LRRN3: variants seen among roughly 807,000 people sequenced by gnomAD.
The protein encoded by LRRN3 is leucine-rich repeat neuronal protein 3.
Under a neutral mutation model 40.1 loss-of-function variants are expected in LRRN3, and 15 were observed. The observed-to-expected ratio is 0.37, with a 90% CI of 0.25 to 0.58. The LOEUF (loss-of-function observed/expected upper bound fraction) is 0.58, where lower values mean the gene tolerates loss of function less well. LRRN3 is among the 20% of genes least tolerant of loss of function. The pLI is 0.72. For missense variants in LRRN3, 746 were observed against 837.7 expected (o/e 0.89, Z 1.35); for synonymous variants, 308 against 297.2 (o/e 1.04, Z -0.37).
At chr7:111,091,699 G>A (rs1796881940) in intron 1 of LRRN3, among the ~76,000 whole-genome samples, 195 bp downstream of exon 1, 2 of 152,204 alleles carry the variant, frequency 1.3e-5, no homozygotes, top group South Asian at 4.1e-4. Flanking sequence ...AGCTGTGTTT[G>A]TGAGATTCTC....
rs375640347 is a variant in LRRN3 at position 111,124,459 on chromosome 7, T to C, written c.1687T>C (p.Ser563Pro). The change falls in exon 3 of 3, where the codon TCT becomes CCT. Residue 563 changes from serine (S) to proline (P), a missense_variant. Transcript: ENST00000308478. ...GACAGCCTTTGTCAAGACTGAAAATTCTCATGCTGCGCAAAGTGCTCGAAT... is the reference window on the plus strand; with the variant it reads ...GACAGCCTTTGTCAAGACTGAAAATCCTCATGCTGCGCAAAGTGCTCGAAT... The part of the protein sequence containing the change: ...KWTAFVKTEN[S>P]HAAQSARIPS... 8.7e-5 allele frequency: 140 copies of C among 1,613,800 alleles called. No individual in the cohort carries two copies. Among genetic ancestry groups the C allele is most frequent in the Non-Finnish European group, 1.1e-4 (131 of 1,179,992 alleles).
Position 111,125,106 on chromosome 7 carries a change from G to A in LRRN3, c.*207G>A, listed in dbSNP as rs994966935. ...GCATTTTAAGTAACTGGCTTCAAGG[G>A]GTACTGTGGCAACCAAATAAAATAA... On this transcript the variant is annotated 3_prime_UTR_variant, in exon 3 of 3. Coordinates refer to ENST00000308478, the MANE Select transcript of LRRN3 (RefSeq NM_001099658.2). The A allele has an allele frequency of 2.4e-5, 11 of 457,408 alleles. No homozygotes were observed. The highest frequency in any genetic ancestry group is 2.4e-4 in the Admixed American group (6 of 25,168). 28.3% of individuals were successfully genotyped at this position (457,408 alleles called of 1,614,324 possible). A position where few individuals can be genotyped will look rare whatever the true frequency, so the allele number is the denominator to read the frequency against.
chr7:111,092,472 T>G (rs1176858789), intron 1 of LRRN3, among the ~76,000 whole-genome samples: 1 of 152,168 alleles, frequency 6.6e-6, no homozygotes, highest in Admixed American at 6.6e-5. Flanking sequence ...GCTATGAATA[T>G]GAGTAGAACC....
chr7:111,108,587 T>C (rs1223439321), intron 2 of LRRN3, among the ~76,000 whole-genome samples: 2 of 152,056 alleles, frequency 1.3e-5, no homozygotes, highest in Non-Finnish European at 2.9e-5. Flanking sequence ...ATAATGAGAG[T>C]AGACATTGGC....
At chr7:111,093,556 C>A (rs921442020) in intron 1 of LRRN3, among the ~76,000 whole-genome samples, 8 of 152,086 alleles carry the variant, frequency 5.3e-5, no homozygotes, top group African/African-American at 1.9e-4. Context: ...AAATCTAACC[C>A]GCCTTATTTT....
chr7:111,125,351 A>C lies in LRRN3; in HGVS notation c.*452A>C, dbSNP rs1562825479. ...AATGGACAAATTCTGTAGAGTAGAC[A>C]CAGTGAGTATGTGGACCTCTTTTAT... On this transcript the variant is annotated 3_prime_UTR_variant, in exon 3 of 3. Coordinates refer to ENST00000308478, the MANE Select transcript of LRRN3 (RefSeq NM_001099658.2). 1 of 168,572 alleles carries C rather than the reference A, an allele frequency of 5.9e-6. No individual in the cohort carries two copies. Among genetic ancestry groups the C allele is most frequent in the Non-Finnish European group, 1.4e-5 (1 of 69,240 alleles). The allele number at this position is 168,572 out of a possible 1,614,324, so 10.4% of individuals were successfully genotyped here.
chr7:111,123,730 C>T lies in LRRN3; in HGVS notation c.958C>T (p.Pro320Ser). Reference protein sequence around the residue: ...DLRKIEATNNPRLSYIHPNAF... With the variant: ...DLRKIEATNNSRLSYIHPNAF... ...AAGAAAAATAGAAGCTACTAACAAC[C>T]CTAGATTGTCTTACATTCACCCCAA... Residue 320 changes from proline (P) to serine (S), a missense_variant, in exon 3 of 3, where the codon CCT becomes TCT. Pro to Ser is a moderately conservative substitution (Grantham distance 74). Transcript: ENST00000308478. This position sits in a 1 kb window ranked among gnomAD's most constrained non-coding sequence, Gnocchi z 6.4. 6.2e-7 allele frequency: 1 copy of T among 1,613,796 alleles called. No individual in the cohort carries two copies. The highest frequency in any genetic ancestry group is 1.1e-5 in the South Asian group (1 of 91,070).
At position 111,123,526 on chromosome 7, in the gene LRRN3, C is replaced by T; in HGVS notation, c.754C>T (p.Pro252Ser). Residue 252 changes from proline to serine, a missense_variant, in exon 3 of 3, where the codon CCC (proline) becomes TCC (serine). Physicochemically the swap from Pro to Ser is moderately conservative, Grantham distance 74 (BLOSUM62 -1). Coordinates refer to ENST00000308478, the MANE Select transcript of LRRN3 (RefSeq NM_001099658.2). The surrounding 1 kb of genome is among the most constrained non-coding windows in gnomAD (Gnocchi z 6.4). ...SFYDNRLIKV[P>S]HVALQKVVNL... is the part of the protein sequence containing the mutation. ...TTACGATAACAGGCTTATTAAAGTA[C>T]CCCATGTTGCTCTTCAAAAAGTTGT... 6.2e-7 allele frequency: 1 copy of T among 1,613,796 alleles called. No individual in the cohort carries two copies. The highest frequency in any genetic ancestry group is 8.5e-7 in the Non-Finnish European group (1 of 1,179,900).
At chr7:111,116,582 A>C (rs1799906282) in intron 2 of LRRN3, among the ~76,000 whole-genome samples, 1 of 152,342 alleles carries the variant, frequency 6.6e-6, no homozygotes, top group African/African-American at 2.4e-5. Flanking sequence ...CAGGACATTA[A>C]CAATCAACTT....
rs1480466655 is a variant in LRRN3, at chr7:111,100,138, T to A, written c.-359+176T>A. ...TTCCTTAGCATGTATTTCTTTTTTT[T>A]AAATTTCAATAGCTTTTTGGGAAAC... On this transcript the variant is annotated intron_variant, in intron 2 of 2. Transcript: ENST00000308478. Among the ~76,000 whole-genome samples the A allele has an allele frequency of 5.3e-5, 8 of 151,744 alleles. No individual in the cohort carries two copies. The East Asian group carries it at 5.8e-4, about 11-fold the overall frequency.
rs1465876915 is a variant in LRRN3 at position 111,125,301 on chromosome 7, C to G, written c.*402C>G. On this transcript the variant is annotated 3_prime_UTR_variant, in exon 3 of 3. Transcript: ENST00000308478. ...CGAGTTTTTGCAGTGACCAGATAAA[C>G]TTGAATTGACACGTGGTGTAATAAA... 5.8e-6 allele frequency: 1 copy of G among 172,278 alleles called. No homozygotes were observed. The highest frequency in any genetic ancestry group is 2.4e-5 in the African/African-American group (1 of 41,526). The allele number at this position is 172,278 out of a possible 1,614,324, so 10.7% of individuals were successfully genotyped here.
intron 2 of LRRN3, among the ~76,000 whole-genome samples, chr7:111,121,737 C>T (rs538368517): frequency 6.6e-6 from 1 of 152,252 alleles, no homozygotes; most frequent in South Asian, 2.1e-4. Context: ...TGGGTATATA[C>T]CCAAAGGACT....
intron 2 of LRRN3, among the ~76,000 whole-genome samples, chr7:111,112,455 A>T (rs1282107280): frequency 6.6e-6 from 1 of 151,800 alleles, no homozygotes; most frequent in East Asian, 1.9e-4. Context: ...CATGTCCTGT[A>T]CAGTAATGAA....
intron 2 of LRRN3, among the ~76,000 whole-genome samples, chr7:111,106,087 A>C (rs1326792650): frequency 4.3e-4 from 65 of 152,116 alleles, no homozygotes; most frequent in Non-Finnish European, 7.4e-5. Flanking sequence ...TTTTCCAAGG[A>C]TACAGCAGAG....
chr7:111,099,322 A>G (rs940208910), intron 1 of LRRN3, among the ~76,000 whole-genome samples: 1 of 151,660 alleles, frequency 6.6e-6, no homozygotes, highest in Non-Finnish European at 1.5e-5. Flanking sequence ...GAAGATGAAA[A>G]TAGTCTGAAT....
chr7:111,094,358 A>C (rs1354546395), intron 1 of LRRN3, among the ~76,000 whole-genome samples: 1 of 152,150 alleles, frequency 6.6e-6, no homozygotes, highest in Admixed American at 6.6e-5. Context: ...GAAAGCTAAT[A>C]GTAGACTAAA....
chr7:111,107,136 T>C (rs999358367), intron 2 of LRRN3, among the ~76,000 whole-genome samples: 3 of 151,124 alleles, frequency 2.0e-5, no homozygotes, highest in Non-Finnish European at 4.4e-5. Flanking sequence ...GTGAAAAAGA[T>C]AGGTGGGAGA....
At chr7:111,099,254 G>C (rs1442023898) in intron 1 of LRRN3, among the ~76,000 whole-genome samples, 1 of 151,592 alleles carries the variant, frequency 6.6e-6, no homozygotes, top group Admixed American at 6.6e-5. Flanking sequence ...AGCTTTCCTT[G>C]TATCTAGTTC....
chr7:111,122,481 T>C lies in LRRN3; in HGVS notation c.-292T>C, dbSNP rs1297063367. 1 of 273,906 alleles carries C rather than the reference T, an allele frequency of 3.7e-6. No homozygotes were observed. Among genetic ancestry groups the C allele is most frequent in the Non-Finnish European group, 6.8e-6 (1 of 147,076 alleles). 17.0% of individuals were successfully genotyped at this position (273,906 alleles called of 1,614,324 possible). ...TTTAAATATTTTACTTCTAAATAAA[T>C]GAATTACTCAATCTCCTATGACCAT... is the stretch of plus-strand genomic sequence containing the variant. On this transcript the variant is annotated 5_prime_UTR_variant, in exon 3 of 3. An upstream start codon of the reference 5' UTR is lost. Transcript: ENST00000308478.
Sources: allele counts gnomAD v4.1 joint callset (sites outside exome capture counted in the v4.1 genomes callset), GRCh38; gene constraint gnomAD v4.1.1; non-coding constraint Gnocchi (gnomAD v3.1); transcripts MANE v1.5; gene names NCBI Gene and HGNC (gene_info 2026-07-23, HGNC 2026-07-21).